The following EFHD1 variants were observed in gnomAD, a reference collection of about 807,000 sequenced individuals.
EFHD1 encodes EF-hand domain-containing protein D1.
Under a neutral mutation model 17.2 loss-of-function variants are expected in EFHD1, and 10 were observed. That is an observed-to-expected ratio of 0.58 (90% CI 0.36 to 0.99). The LOEUF is 0.99. Ranked by LOEUF, EFHD1 falls within the 50% of genes least tolerant of loss-of-function variation. The probability of loss-of-function intolerance (pLI) is 0.01; values close to 1 mark genes in which losing one functional copy is unlikely to be tolerated. For synonymous variants in EFHD1, 153 were observed against 142.0 expected, an observed-to-expected ratio of 1.08 and a Z score of -0.55; for missense variants, 310 against 327.5, an observed-to-expected ratio of 0.95 and a Z score of 0.41.
rs761350887 is a variant in EFHD1 at position 232,633,969 on chromosome 2, C to T, written c.265C>T (p.Arg89Cys). The change falls in exon 1 of 4, where the codon CGC becomes TGC. Residue 89 changes from arginine (R) to cysteine (C), a missense_variant. Physicochemically the swap from Arg to Cys is radical, Grantham distance 180. Coordinates refer to ENST00000264059, the MANE Select transcript of EFHD1 (RefSeq NM_025202.4). ...NPYTEFPEFS[R>C]RLIKDLESMF... ...CTACACGGAGTTCCCGGAGTTCAGC[C>T]GCCGCCTCATCAAGGACCTGGAGAG... The T allele has an allele frequency of 2.5e-6, 4 of 1,597,384 alleles. No homozygotes were observed. Among genetic ancestry groups the T allele is most frequent in the East Asian group, 2.2e-5 (1 of 44,662 alleles).
upstream of EFHD1, chr2:232,633,129 C>G (rs1694233718): frequency 6.6e-6 from 1 of 152,220 alleles, no homozygotes; most frequent in Non-Finnish European, 1.5e-5. Flanking sequence ...CCCCACGCTC[C>G]GGGCGGGCGC....
intron 1 of EFHD1, among the ~76,000 whole-genome samples, chr2:232,652,370 C>T (rs1694673339): frequency 3.3e-5 from 5 of 152,160 alleles, no homozygotes; most frequent in Admixed American, 2.6e-4. Context: ...ACACTGAGCA[C>T]ACACTGTGCC....
rs79797841 is a variant in EFHD1, at chr2:232,615,478, G to T, written c.14+9305G>T. ...TTGGTGCTCACCTCGACCTTCTGCA[G>T]CTTTTCCCTGCCTGCTCTTGTTTAT... On this transcript the variant is annotated intron_variant, in intron 1 of 3. Coordinates refer to the EFHD1 transcript ENST00000409613. Among the ~76,000 whole-genome samples, 455 of 151,974 alleles carry T rather than the reference G, an allele frequency of 3.0e-3. 2 individuals are homozygous for T. Among genetic ancestry groups the T allele is most frequent in the African/African-American group, 0.011 (445 of 41,430 alleles).
intron 1 of EFHD1, among the ~76,000 whole-genome samples, chr2:232,634,712 A>T (rs1299347072): frequency 1.3e-5 from 2 of 152,144 alleles, no homozygotes; most frequent in African/African-American, 4.8e-5. Flanking sequence ...GAGGCAGGCG[A>T]TAGAGACCCA....
upstream of EFHD1, chr2:232,633,273 G>A (rs1694237752): frequency 5.1e-6 from 1 of 194,306 alleles, no homozygotes; most frequent in African/African-American, 2.4e-5. Context: ...GGTTACTTCT[G>A]GGGGACAAGA....
intron 3 of EFHD1, among the ~76,000 whole-genome samples, chr2:232,675,564 C>A (rs1268263356): frequency 6.6e-6 from 1 of 152,104 alleles, no homozygotes; most frequent in Non-Finnish European, 1.5e-5. Flanking sequence ...AACGTGTAGT[C>A]GATGGAGCTG....
intron 1 of EFHD1, among the ~76,000 whole-genome samples, chr2:232,625,419 C>G (rs78208368): frequency 6.6e-6 from 1 of 152,086 alleles, no homozygotes; most frequent in Admixed American, 6.6e-5. Flanking sequence ...GGCAAGCCAC[C>G]GTACCCGGTC....
At chr2:232,611,584 C>G (rs977988268) in intron 1 of EFHD1, 1 of 152,270 alleles carries the variant, frequency 6.6e-6, no homozygotes, top group African/African-American at 2.4e-5. Context: ...AGCTCCCTCC[C>G]CCGGGGCAGA....
intron 1 of EFHD1, among the ~76,000 whole-genome samples, chr2:232,646,839 C>T (rs1308068233): frequency 6.6e-6 from 1 of 152,262 alleles, no homozygotes; most frequent in African/African-American, 2.4e-5. Context: ...TGGCTAACCT[C>T]TTCCTGCAGT....
chr2:232,677,079 A>G (rs1395178470), intron 3 of EFHD1, among the ~76,000 whole-genome samples: 3 of 152,012 alleles, frequency 2.0e-5, no homozygotes, highest in Admixed American at 6.6e-5. Flanking sequence ...ATAATTCCAT[A>G]AAAGTAAAAG....
chr2:232,618,532 AG>A (rs1416666699), intron 1 of EFHD1, among the ~76,000 whole-genome samples: 2 of 151,698 alleles, frequency 1.3e-5, no homozygotes, highest in Admixed American at 6.6e-5. Flanking sequence ...GACCAGCCTG[AG>A]CAACATGTTG....
chr2:232,675,714 C>T (rs1259848396), intron 3 of EFHD1, among the ~76,000 whole-genome samples: 1 of 151,990 alleles, frequency 6.6e-6, no homozygotes, highest in Non-Finnish European at 1.5e-5. Flanking sequence ...TCACAGATGT[C>T]CTGAGAAGAA....
chr2:232,644,942 A>ATTTT (rs752790323), intron 1 of EFHD1, among the ~76,000 whole-genome samples: 5 of 114,384 alleles, frequency 4.4e-5, no homozygotes, highest in African/African-American at 1.7e-4. Context: ...ATGCCTGGCA[A>ATTTT]TTTTTTTTTT....
At chr2:232,616,041 TAAC>T (rs1248072839) in intron 1 of EFHD1, among the ~76,000 whole-genome samples, 1 of 152,122 alleles carries the variant, frequency 6.6e-6, no homozygotes, top group Non-Finnish European at 1.5e-5. Context: ...TGTTGTGGTA[TAAC>T]AACACCTAGA....
intron 1 of EFHD1, among the ~76,000 whole-genome samples, chr2:232,635,078 C>T (rs1035064740): frequency 6.6e-6 from 1 of 152,258 alleles, no homozygotes; most frequent in African/African-American, 2.4e-5. Flanking sequence ...CTCTGCCTCC[C>T]TGACACCCTG....
chr2:232,681,921 GC>G lies in EFHD1; in HGVS notation c.*205del. The G allele has an allele frequency of 3.0e-6, 2 of 663,336 alleles. No individual in the cohort carries two copies. The highest frequency in any genetic ancestry group is 4.8e-6 in the Non-Finnish European group (2 of 416,848). The allele number at this position is 663,336 out of a possible 1,614,324, so 41.1% of individuals were successfully genotyped here. ...GGGTCCTGGGGTGGGCCAGATGCCTGCCCACCTCTGTCTCCTGCCTCTGCTC... is the reference window on the plus strand; with the variant it reads ...GGGTCCTGGGGTGGGCCAGATGCCTGCCACCTCTGTCTCCTGCCTCTGCTC... On this transcript the variant is annotated 3_prime_UTR_variant, in exon 4 of 4. Coordinates refer to ENST00000264059, the MANE Select transcript of EFHD1 (RefSeq NM_025202.4).
intron 1 of EFHD1, among the ~76,000 whole-genome samples, chr2:232,615,278 CCTT>C (rs1693904742): frequency 6.6e-6 from 1 of 151,036 alleles, no homozygotes; most frequent in Non-Finnish European, 1.5e-5. Flanking sequence ...GGGGGGGCAT[CCTT>C]AACCCCCTGC....
rs768865249 is a variant in EFHD1 at position 232,681,660 on chromosome 2, G to A, written c.661G>A (p.Glu221Lys). Residue 221 changes from glutamate to lysine, a missense_variant, in exon 4 of 4, where the codon GAG (glutamate) becomes AAG (lysine). Glu to Lys is a moderately conservative substitution (Grantham distance 56). Coordinates refer to ENST00000264059, the MANE Select transcript of EFHD1 (RefSeq NM_025202.4). ...GCAAGATGAGCGGAAGCGGGAGGAG[G>A]AGGAGAGGCGGCTCCGCCAGGCAGC... ...AEQDERKREE[E>K]ERRLRQAAFQ... 5.6e-6 allele frequency: 9 copies of A among 1,614,146 alleles called. No homozygotes were observed. Among genetic ancestry groups the A allele is most frequent in the African/African-American group, 2.7e-5 (2 of 74,956 alleles).
At chr2:232,613,815 TATACAC>T (rs1163902802) in intron 1 of EFHD1, among the ~76,000 whole-genome samples, 4 of 87,556 alleles carry the variant, frequency 4.6e-5, no homozygotes, top group East Asian at 2.4e-3. Context: ...TATACACACA[TATACAC>T]ACACAAATAT....
Sources: allele counts gnomAD v4.1 joint callset (sites outside exome capture counted in the v4.1 genomes callset), GRCh38; gene constraint gnomAD v4.1.1; transcripts MANE v1.5; gene names NCBI Gene and HGNC (gene_info 2026-07-23, HGNC 2026-07-21).